Variants in GRIK2 observed in about 807,000 individuals in gnomAD.
The protein encoded by GRIK2 is glutamate ionotropic receptor kainate type subunit 2.
A neutral mutation model predicts 100.3 loss-of-function variants in GRIK2; 32 were observed. That is an observed-to-expected ratio of 0.32 (90% CI 0.24 to 0.43). The LOEUF (loss-of-function observed/expected upper bound fraction) is 0.43. Ranked by LOEUF, GRIK2 falls within the 20% of genes least tolerant of loss-of-function variation. GRIK2 has a pLI of 1.00. For missense variants in GRIK2, 843 were observed against 1,114.9 expected, an observed-to-expected ratio of 0.76 and a Z score of 3.47; for synonymous variants, 417 against 389.4, an observed-to-expected ratio of 1.07 and a Z score of -0.83.
intron 2 of GRIK2, among the ~76,000 whole-genome samples, chr6:101,555,065 A>G (rs1181750177): frequency 6.6e-6 from 1 of 152,214 alleles, no homozygotes; most frequent in Non-Finnish European, 1.5e-5. Context: ...AACGTTAGTA[A>G]AGTTGAAGGA....
chr6:101,426,328 G>T (rs979855846), intron 2 of GRIK2, among the ~76,000 whole-genome samples: 4 of 152,102 alleles, frequency 2.6e-5, no homozygotes, highest in African/African-American at 9.7e-5. Flanking sequence ...CATGGTTATG[G>T]GGAAGATTAC....
In GRIK2 at chr6:101,399,236, G is replaced by C. The variant is rs1279743489; in HGVS notation, c.-42G>C. 1 of 954,390 alleles carries C rather than the reference G, an allele frequency of 1.0e-6. No homozygotes were observed. Among genetic ancestry groups the C allele is most frequent in the Non-Finnish European group, 1.7e-6 (1 of 577,196 alleles). The allele number at this position is 954,390 out of a possible 1,614,324, so 59.1% of individuals were successfully genotyped here. Reference sequence around the variant, plus strand: ...ACCCGAACCCAGGAGCCGAACGCTAGATCGGGGAAGTGGGTGCCGTGCGTG... The same window carrying C: ...ACCCGAACCCAGGAGCCGAACGCTACATCGGGGAAGTGGGTGCCGTGCGTG... On this transcript the variant is annotated 5_prime_UTR_variant, in exon 2 of 17. Coordinates refer to ENST00000369134, the MANE Select transcript of GRIK2 (RefSeq NM_021956.5).
intron 2 of GRIK2, among the ~76,000 whole-genome samples, chr6:101,506,205 G>T (rs1158871789): frequency 6.6e-6 from 1 of 152,096 alleles, no homozygotes; most frequent in Non-Finnish European, 1.5e-5. Context: ...TTCACTGGCT[G>T]CTCTTAAGTT....
At chr6:101,972,492 T>C (rs2128486261) in intron 14 of GRIK2, among the ~76,000 whole-genome samples, 1 of 152,150 alleles carries the variant, frequency 6.6e-6, no homozygotes, top group South Asian at 2.1e-4. Flanking sequence ...TTATGGATTC[T>C]GGATTTTAGA....
intron 2 of GRIK2, among the ~76,000 whole-genome samples, chr6:101,562,005 A>G (rs2128295882): frequency 6.6e-6 from 1 of 152,258 alleles, no homozygotes; most frequent in South Asian, 2.1e-4. Context: ...ATAGTGGTCA[A>G]GAAACATTAC....
At chr6:101,843,388 A>G (rs912718771) in intron 10 of GRIK2, among the ~76,000 whole-genome samples, 9 of 152,144 alleles carry the variant, frequency 5.9e-5, no homozygotes, top group Non-Finnish European at 1.2e-4. Context: ...AGAACTATTT[A>G]TACTTTCCAT....
intron 7 of GRIK2, among the ~76,000 whole-genome samples, chr6:101,709,499 A>G (rs1261653386): frequency 6.6e-6 from 1 of 151,864 alleles, no homozygotes; most frequent in East Asian, 1.9e-4. Context: ...TTAAAACTAA[A>G]TGAATCTCAT....
At chr6:102,015,345 G>T (rs1795778266) in intron 14 of GRIK2, among the ~76,000 whole-genome samples, 1 of 152,024 alleles carries the variant, frequency 6.6e-6, no homozygotes, top group Admixed American at 6.6e-5. Flanking sequence ...CATGTGAAAT[G>T]GGTTTCCTGA....
In GRIK2 at chr6:101,399,506, C is replaced by G. The variant is rs1582359616; in HGVS notation, c.115+114C>G. The G allele has an allele frequency of 5.8e-6, 4 of 691,566 alleles. 1 individual carries two copies. Among genetic ancestry groups the G allele is most frequent in the Non-Finnish European group, 5.4e-6 (2 of 373,270 alleles). 42.8% of individuals were successfully genotyped at this position (691,566 alleles called of 1,614,324 possible). A position where few individuals can be genotyped will look rare whatever the true frequency, so the allele number is the denominator to read the frequency against. ...TCCGTGGATTCTGATCTGCTCACTGCTCTGTCGTCTCCTGGGGCTTTTAAA... is the reference window on the plus strand; with the variant it reads ...TCCGTGGATTCTGATCTGCTCACTGGTCTGTCGTCTCCTGGGGCTTTTAAA... On this transcript the variant is annotated intron_variant, in intron 2 of 16. Transcript: ENST00000369134.
At position 101,850,276 on chromosome 6, in the gene GRIK2, T is replaced by G. The variant is rs144077526; in HGVS notation, c.1318-9011T>G. ...AATTTTTCTATGTTGTTTTGATTTG[T>G]TTTTCATTGTTCAGTGTTGTATACC... On this transcript the variant is annotated intron_variant, in intron 10 of 16. Transcript: ENST00000369134. Among the ~76,000 whole-genome samples the G allele has an allele frequency of 8.5e-5, 13 of 152,160 alleles. No individual in the cohort carries two copies. In the East Asian group the frequency reaches 2.5e-3, roughly 29 times the overall value.
At chr6:101,928,787 C>T (rs1188856481) in intron 14 of GRIK2, among the ~76,000 whole-genome samples, 155 bp downstream of exon 14, 5 of 152,066 alleles carry the variant, frequency 3.3e-5, no homozygotes, top group African/African-American at 9.7e-5. Context: ...TACAACTGAA[C>T]GTATGCTCAT....
chr6:101,936,569 C>T (rs1790631697), intron 14 of GRIK2, among the ~76,000 whole-genome samples: 1 of 151,934 alleles, frequency 6.6e-6, no homozygotes, highest in Admixed American at 6.6e-5. Flanking sequence ...TCCCCCTTTC[C>T]TCATCTAACA....
intron 2 of GRIK2, among the ~76,000 whole-genome samples, chr6:101,499,348 T>C (rs1248042893): frequency 6.6e-6 from 1 of 152,118 alleles, no homozygotes; most frequent in African/African-American, 2.4e-5. Flanking sequence ...AAAAGTACTC[T>C]TTTCTCCAGG....
chr6:101,572,805 ATTG>A (rs1240043459), intron 2 of GRIK2, among the ~76,000 whole-genome samples: 2 of 69,434 alleles, frequency 2.9e-5, no homozygotes, highest in Admixed American at 1.7e-4. Flanking sequence ...TGTTGTTGTT[ATTG>A]TTGTTTATTA....
At chr6:101,690,147 A>G (rs557417536) in intron 7 of GRIK2, among the ~76,000 whole-genome samples, 19 of 152,260 alleles carry the variant, frequency 1.2e-4, no homozygotes, top group African/African-American at 4.6e-4. Context: ...AATCCTTCCC[A>G]GTGGTTCTAA....
chr6:101,442,612 A>T (rs528849382), intron 2 of GRIK2, among the ~76,000 whole-genome samples: 1 of 152,276 alleles, frequency 6.6e-6, no homozygotes, highest in African/African-American at 2.4e-5. Context: ...GATGGAGGGG[A>T]CAGAACAATG....
At chr6:101,830,780 G>A (rs1007843095) in intron 10 of GRIK2, among the ~76,000 whole-genome samples, 7 of 151,944 alleles carry the variant, frequency 4.6e-5, no homozygotes, top group Admixed American at 4.6e-4. Flanking sequence ...ATGCTAATTA[G>A]TTCAGCCCCT....
rs201018301 is a variant in GRIK2, at chr6:102,035,321, C to G, written c.2086-20C>G. On this transcript the variant is annotated intron_variant, in intron 14 of 16. Coordinates refer to ENST00000369134, the MANE Select transcript of GRIK2 (RefSeq NM_021956.5). The stretch of plus-strand genomic sequence containing the variant: ...TAAAGAATAACTTTCTCGTGACCAA[C>G]TTATATTTATTTTCTTCAGAAATCA... 6.9e-7 allele frequency: 1 copy of G among 1,447,918 alleles called. No individual in the cohort carries two copies. The highest frequency in any genetic ancestry group is 2.3e-5 in the East Asian group (1 of 43,756). The allele number at this position is 1,447,918 out of a possible 1,614,324, so 89.7% of individuals were successfully genotyped here. A position where few individuals can be genotyped will look rare whatever the true frequency, so the allele number is the denominator to read the frequency against.
rs142828340 is a variant in GRIK2 at position 101,963,644 on chromosome 6, G to T, written c.2085+35012G>T. ...TGGGATTACAGGCGTGAGCCACCGC[G>T]CCCGGCCACTTATTTAGTTTAATAT... On this transcript the variant is annotated intron_variant, in intron 14 of 16. Transcript: ENST00000369134. Among the ~76,000 whole-genome samples, 1,133 of 150,936 alleles carry T rather than the reference G, an allele frequency of 7.5e-3. 16 individuals carry two copies. Among genetic ancestry groups the T allele is most frequent in the African/African-American group, 0.026 (1,068 of 41,188 alleles).
Sources: gnomAD v4.1 joint callset for allele counts (sites outside exome capture counted in the v4.1 genomes callset) on GRCh38, gnomAD v4.1.1 for gene constraint, MANE v1.5 for transcripts, NCBI Gene and HGNC (gene_info 2026-07-23, HGNC 2026-07-21) for gene names.